The following APC variants were observed in gnomAD, a reference collection of about 807,000 sequenced individuals.
APC encodes adenomatous polyposis coli protein.
In APC, 72 loss-of-function variants were observed where a neutral mutation model predicts 247.0. The ratio of observed to expected loss-of-function variants is 0.29; its 90% CI spans 0.24 to 0.35. APC has a LOEUF of 0.35. Ranked by LOEUF, APC falls within the 10% of genes least tolerant of loss-of-function variation. APC has a pLI of 1.00. For missense variants in APC, 3,400 were observed against 3,360.7 expected (o/e 1.01, Z -0.29); for synonymous variants, 1,254 against 1,162.5 (o/e 1.08, Z -1.60).
chr5:112,728,111 G>T (rs1370443949), intron 1 of APC, among the ~76,000 whole-genome samples: 2 of 151,248 alleles, frequency 1.3e-5, no homozygotes, highest in Non-Finnish European at 2.9e-5. Context: ...ATCAGCTGTC[G>T]ATAGTGTTAC....
chr5:112,835,179 TTTATA>T lies in APC; in HGVS notation c.1958+18_1958+22del, dbSNP rs1561569736. ...TGAGGACCACAGGTATATATAGAGTTTTATATTACTTTTAAAGTACAGAATTCATA... is the reference window on the plus strand; with the variant it reads ...TGAGGACCACAGGTATATATAGAGTTTTACTTTTAAAGTACAGAATTCATA... On this transcript the variant is annotated intron_variant, in intron 15 of 15. Transcript: ENST00000257430. 1 of 1,593,216 alleles carries T rather than the reference TTTATA, an allele frequency of 6.3e-7. No homozygotes were observed. The highest frequency in any genetic ancestry group is 1.1e-5 in the South Asian group (1 of 89,372).
intron 1 of APC, among the ~76,000 whole-genome samples, chr5:112,747,242 G>GT (rs1395269477): frequency 1.3e-4 from 4 of 29,702 alleles, no homozygotes; most frequent in East Asian, 0.01. Context: ...TTTTTCTTGA[G>GT]GGGGGAAAAC....
At chr5:112,804,466 T>C (rs866846636) in intron 8 of APC, among the ~76,000 whole-genome samples, 1 of 152,224 alleles carries the variant, frequency 6.6e-6, no homozygotes, top group South Asian at 2.1e-4. Context: ...CACTATAACC[T>C]CCACCTCCTA....
chr5:112,761,120 A>G (rs1205213817), intron 2 of APC, among the ~76,000 whole-genome samples: 2 of 152,130 alleles, frequency 1.3e-5, no homozygotes, highest in Non-Finnish European at 2.9e-5. Context: ...GTCCCAATCC[A>G]TTTTTAGTTG....
At chr5:112,811,518 C>T (rs933370532) in intron 8 of APC, among the ~76,000 whole-genome samples, 4 of 152,134 alleles carry the variant, frequency 2.6e-5, no homozygotes, top group African/African-American at 9.7e-5. Context: ...AGTATGTGTA[C>T]CTCTTGGTAT....
chr5:112,833,487 C>T (rs1325911863), intron 14 of APC, among the ~76,000 whole-genome samples: 1 of 148,680 alleles, frequency 6.7e-6, no homozygotes, highest in African/African-American at 2.4e-5. Context: ...GGCCGCCTGG[C>T]TACTTTTTAT....
intron 1 of APC, among the ~76,000 whole-genome samples, chr5:112,750,665 T>C (rs934264275): frequency 1.3e-5 from 2 of 152,198 alleles, no homozygotes; most frequent in Non-Finnish European, 2.9e-5. Flanking sequence ...CCTTTATTAC[T>C]CCTAGTCTAG....
chr5:112,745,319 A>G (rs1753525312), intron 1 of APC, among the ~76,000 whole-genome samples: 1 of 152,070 alleles, frequency 6.6e-6, no homozygotes. Context: ...TTATATACCT[A>G]ACAATTGAGA....
rs2149903943 is a variant in APC at position 112,839,601 on chromosome 5, G to C, written c.4007G>C (p.Arg1336Thr). 6.2e-7 allele frequency: 1 copy of C among 1,614,168 alleles called. No homozygotes were observed. The highest frequency in any genetic ancestry group is 8.5e-7 in the Non-Finnish European group (1 of 1,180,020). ...VSQHPRTKSS[R>T]LQGSSLSSES... ...CAGCACCCTAGAACCAAATCCAGCA[G>C]ACTGCAGGGTTCTAGTTTATCTTCA... Residue 1336 changes from arginine to threonine, a missense_variant, in exon 16 of 16, where the codon AGA (arginine) becomes ACA (threonine). Physicochemically the swap from Arg to Thr is moderately conservative, Grantham distance 71. Around this residue, in one of 9 missense-constraint regions of APC, gnomAD observed 715 missense variants for 656.6 expected, o/e 1.09. Transcript: ENST00000257430. This position sits in a 1 kb window ranked among gnomAD's most constrained non-coding sequence, Gnocchi z 5.0.
intron 8 of APC, among the ~76,000 whole-genome samples, chr5:112,805,586 A>G (rs1761296334): frequency 6.6e-6 from 1 of 152,182 alleles, no homozygotes; most frequent in Non-Finnish European, 1.5e-5. Flanking sequence ...CCAGATCCTG[A>G]TGTAGATGTG....
intron 14 of APC, 138 bp from the exon 15 acceptor site, chr5:112,834,813 A>G: frequency 1.3e-6 from 1 of 747,008 alleles, no homozygotes; most frequent in South Asian, 1.5e-5. Flanking sequence ...TTCTAAATGG[A>G]AAGTTCTTAA....
At chr5:112,808,743 C>CTA (rs1761682732) in intron 8 of APC, among the ~76,000 whole-genome samples, 1 of 152,108 alleles carries the variant, frequency 6.6e-6, no homozygotes, top group African/African-American at 2.4e-5. Flanking sequence ...GTCCCATACT[C>CTA]TAGATTTTGC....
At chr5:112,775,316 A>G (rs926650925) in intron 4 of APC, among the ~76,000 whole-genome samples, 3 of 152,080 alleles carry the variant, frequency 2.0e-5, no homozygotes, top group Non-Finnish European at 2.9e-5. Context: ...GTTTTGTTAT[A>G]TGTGTATCTT....
In APC at chr5:112,837,611, A is replaced by G. The variant is rs1295698940; in HGVS notation, c.2017A>G (p.Ser673Gly). ...QTLLQHLKSH[S>G]LTIVSNACGT... Reference sequence around the variant, plus strand: ...TTTATTACAACACTTAAAATCTCATAGTTTGACAATAGTCAGTAATGCATG... The same window carrying G: ...TTTATTACAACACTTAAAATCTCATGGTTTGACAATAGTCAGTAATGCATG... Residue 673 changes from serine to glycine, a missense_variant, in exon 16 of 16, where the codon AGT (serine) becomes GGT (glycine). Ser to Gly is a moderately conservative substitution (Grantham distance 56). Transcript: ENST00000257430. 1.2e-6 allele frequency: 2 copies of G among 1,612,280 alleles called. No individual in the cohort carries two copies. Among genetic ancestry groups the G allele is most frequent in the Non-Finnish European group, 1.7e-6 (2 of 1,178,414 alleles).
chr5:112,783,701 T>C, intron 6 of APC: 1 of 246,312 alleles, frequency 4.1e-6, no homozygotes, highest in Non-Finnish European at 7.4e-6. Context: ...AGGCTGAGGC[T>C]GAGGAGGATC....
intron 1 of APC, among the ~76,000 whole-genome samples, chr5:112,745,245 A>G (rs1753512988): frequency 6.6e-6 from 1 of 152,152 alleles, no homozygotes; most frequent in Non-Finnish European, 1.5e-5. Context: ...TTTTATAAGC[A>G]ATAGTCTTCC....
chr5:112,718,910 G>A (rs1751330152), intron 1 of APC, among the ~76,000 whole-genome samples: 1 of 152,192 alleles, frequency 6.6e-6, no homozygotes, highest in Non-Finnish European at 1.5e-5. Flanking sequence ...ACCTGGAAAA[G>A]GTAGACTTTA....
chr5:112,741,757 A>T lies in APC; in HGVS notation c.-19+3832A>T, dbSNP rs377080747. 6.3e-4 allele frequency among the ~76,000 whole-genome samples: 96 copies of T among 152,292 alleles called. No individual in the cohort carries two copies. In the South Asian group the frequency reaches 0.019, roughly 30 times the overall value. On this transcript the variant is annotated intron_variant, in intron 1 of 15. Coordinates refer to ENST00000257430, the MANE Select transcript of APC (RefSeq NM_000038.6). The stretch of plus-strand genomic sequence containing the variant: ...ATCTTCCCTAATTAAAACTCTGTGC[A>T]CATTAAACACTAACATGCCATTTTC...
chr5:112,827,017 T>A, intron 11 of APC, 91 bp from the exon 12 acceptor site: 1 of 1,278,286 alleles, frequency 7.8e-7, no homozygotes, highest in South Asian at 1.3e-5. Flanking sequence ...ATTGATTGAG[T>A]TTTTTTTTCC....
Sources: allele counts gnomAD v4.1 joint callset (sites outside exome capture counted in the v4.1 genomes callset), GRCh38; gene constraint gnomAD v4.1.1; regional missense constraint gnomAD v4.1.1; non-coding constraint Gnocchi (gnomAD v3.1); transcripts MANE v1.5; gene names NCBI Gene and HGNC (gene_info 2026-07-23, HGNC 2026-07-21).